The following EPHB1 variants were observed in gnomAD, a reference collection of about 807,000 sequenced individuals.
EPHB1 encodes EPH receptor B1.
In EPHB1, 30 loss-of-function variants were observed where a neutral mutation model predicts 94.4. That is an observed-to-expected ratio of 0.32 (90% CI 0.24 to 0.43). The LOEUF (loss-of-function observed/expected upper bound fraction) is 0.43. EPHB1 is among the 20% of genes least tolerant of loss of function. The pLI is 1.00. For synonymous variants in EPHB1, 522 were observed against 489.1 expected, an observed-to-expected ratio of 1.07 and a Z score of -0.89; for missense variants, 1,055 against 1,308.3, an observed-to-expected ratio of 0.81 and a Z score of 2.99.
chr3:134,963,357 G>A (rs1324630386), intron 3 of EPHB1, among the ~76,000 whole-genome samples: 1 of 152,160 alleles, frequency 6.6e-6, no homozygotes, highest in Non-Finnish European at 1.5e-5. Flanking sequence ...AAAGAATGCT[G>A]ATGCTCTGTT....
intron 3 of EPHB1, among the ~76,000 whole-genome samples, chr3:135,018,843 G>A (rs140149348): frequency 2.7e-4 from 41 of 152,296 alleles, no homozygotes; most frequent in Non-Finnish European, 4.9e-4. Context: ...TGGCTACGAT[G>A]TGACAGGGAT....
At chr3:135,195,441 G>A (rs896331929) in intron 11 of EPHB1, among the ~76,000 whole-genome samples, 2 of 151,530 alleles carry the variant, frequency 1.3e-5, no homozygotes, top group South Asian at 2.1e-4. Flanking sequence ...CCACTAACTC[G>A]TCATCTAGCA....
At chr3:135,143,640 G>A (rs948378678) in intron 5 of EPHB1, among the ~76,000 whole-genome samples, 4 of 152,132 alleles carry the variant, frequency 2.6e-5, no homozygotes, top group African/African-American at 2.4e-5. Flanking sequence ...CTACACCTGG[G>A]AAAGGCTGGC....
intron 1 of EPHB1, among the ~76,000 whole-genome samples, chr3:134,802,400 T>A (rs2035952245): frequency 6.6e-6 from 1 of 150,708 alleles, no homozygotes; most frequent in Non-Finnish European, 1.5e-5. Flanking sequence ...AAGTCCAATC[T>A]GAGGCATGGT....
chr3:134,843,187 G>T (rs1055035637), intron 1 of EPHB1, among the ~76,000 whole-genome samples: 1 of 152,024 alleles, frequency 6.6e-6, no homozygotes, highest in Non-Finnish European at 1.5e-5. Context: ...TTGATAGTTT[G>T]TTTCTTTTAG....
At chr3:135,136,329 T>A (rs1334125369) in intron 5 of EPHB1, among the ~76,000 whole-genome samples, 1 of 152,220 alleles carries the variant, frequency 6.6e-6, no homozygotes, top group Non-Finnish European at 1.5e-5. Flanking sequence ...TCTCCCATCA[T>A]GACCCCAATT....
chr3:134,826,167 G>T (rs1003162821), intron 1 of EPHB1, among the ~76,000 whole-genome samples: 2 of 147,602 alleles, frequency 1.4e-5, no homozygotes, highest in African/African-American at 5.1e-5. Context: ...CAGGAGAATT[G>T]CTTGAATCCA....
At chr3:135,203,138 T>C (rs372676939) in intron 12 of EPHB1, among the ~76,000 whole-genome samples, 1 of 152,206 alleles carries the variant, frequency 6.6e-6, no homozygotes, top group African/African-American at 2.4e-5. Context: ...AAACACTACA[T>C]GTTCTCACTC....
rs762751650 is a variant in EPHB1, at chr3:135,049,395, G to A, written c.806-57053G>A. On this transcript the variant is annotated intron_variant, in intron 3 of 15. Coordinates refer to ENST00000398015, the MANE Select transcript of EPHB1 (RefSeq NM_004441.5). Reference sequence around the variant, plus strand: ...TCAGATGATGGCTGAGGCTGGGGTCGTCACAAAGGCTTCTTCACTCACAGA... The same window carrying A: ...TCAGATGATGGCTGAGGCTGGGGTCATCACAAAGGCTTCTTCACTCACAGA... Among the ~76,000 whole-genome samples the A allele has an allele frequency of 1.1e-3, 166 of 152,302 alleles. 1 individual carries two copies. The highest frequency in any genetic ancestry group is 3.4e-3 in the African/African-American group (142 of 41,578).
chr3:134,918,896 C>T (rs1360174510), intron 1 of EPHB1, among the ~76,000 whole-genome samples: 1 of 152,156 alleles, frequency 6.6e-6, no homozygotes, highest in African/African-American at 2.4e-5. Context: ...GGGCCTGAGA[C>T]TCTATAAGCC....
chr3:134,851,272 G>A (rs777496523), intron 1 of EPHB1, among the ~76,000 whole-genome samples: 1 of 152,206 alleles, frequency 6.6e-6, no homozygotes, highest in Non-Finnish European at 1.5e-5. Context: ...AAGTGACTAG[G>A]TCTCTGGAGA....
At chr3:134,844,334 G>C (rs184514919) in intron 1 of EPHB1, among the ~76,000 whole-genome samples, 1 of 152,164 alleles carries the variant, frequency 6.6e-6, no homozygotes, top group Non-Finnish European at 1.5e-5. Flanking sequence ...TTTGAAGTCT[G>C]CTCTGGCTTT....
intron 3 of EPHB1, among the ~76,000 whole-genome samples, chr3:135,030,829 G>T (rs1281094730): frequency 6.6e-6 from 1 of 152,220 alleles, no homozygotes; most frequent in Non-Finnish European, 1.5e-5. Context: ...CAGCCTCGCT[G>T]CCGCCTTGCA....
intron 7 of EPHB1, among the ~76,000 whole-genome samples, chr3:135,162,535 G>A (rs1318805939): frequency 6.6e-6 from 1 of 152,126 alleles, no homozygotes. Context: ...CTGTGCTTAT[G>A]GTCTGAAAGC....
chr3:134,814,513 C>T (rs553699391), intron 1 of EPHB1, among the ~76,000 whole-genome samples: 2 of 152,002 alleles, frequency 1.3e-5, no homozygotes, highest in Non-Finnish European at 2.9e-5. Flanking sequence ...AGGATGGCTT[C>T]CTGGAGGAGG....
rs569158176 is a variant in EPHB1 at position 134,861,973 on chromosome 3, G to A, written c.59-63843G>A. 9.8e-4 allele frequency among the ~76,000 whole-genome samples: 149 copies of A among 152,298 alleles called. 1 individual carries two copies. The highest frequency in any genetic ancestry group is 1.8e-3 in the Admixed American group (28 of 15,300). ...AAGCTTGGGTATTCATTTTGGAGGG[G>A]TGAAGAGGAGCCCTGAAACACATGA... On this transcript the variant is annotated intron_variant, in intron 1 of 15. Coordinates refer to ENST00000398015, the MANE Select transcript of EPHB1 (RefSeq NM_004441.5).
chr3:134,916,759 AAGCC>A (rs10532753), intron 1 of EPHB1, among the ~76,000 whole-genome samples: 57,602 of 151,762 alleles, frequency 0.38, 12,220 homozygotes, highest in African/African-American at 0.55. Flanking sequence ...ACCTCCCGGC[AAGCC>A]AAGGGATCCG....
rs2038659059 is a variant in EPHB1, at chr3:134,920,366, T to C, written c.59-5450T>C. ...GCTTGCATTTACGTAATAGCAGCTTTGTTCTTGAGCTATTTCATAGTGTGG... is the reference window on the plus strand; with the variant it reads ...GCTTGCATTTACGTAATAGCAGCTTCGTTCTTGAGCTATTTCATAGTGTGG... On this transcript the variant is annotated intron_variant, in intron 1 of 15. Transcript: ENST00000398015. 1.3e-5 allele frequency among the ~76,000 whole-genome samples: 2 copies of C among 152,204 alleles called. 1 individual carries two copies. Among genetic ancestry groups the C allele is most frequent in the South Asian group, 4.1e-4 (2 of 4,836 alleles).
At chr3:135,175,280 G>A (rs1199621634) in intron 9 of EPHB1, among the ~76,000 whole-genome samples, 1 of 152,188 alleles carries the variant, frequency 6.6e-6, no homozygotes, top group Non-Finnish European at 1.5e-5. Context: ...CTGATGGAAG[G>A]TCTCTGACAA....
Sources: gnomAD v4.1 joint callset for allele counts (sites outside exome capture counted in the v4.1 genomes callset) on GRCh38, gnomAD v4.1.1 for gene constraint, MANE v1.5 for transcripts, NCBI Gene and HGNC (gene_info 2026-07-23, HGNC 2026-07-21) for gene names.